MSRB2: variants seen among roughly 807,000 people sequenced by gnomAD.
The protein encoded by MSRB2 is methionine-R-sulfoxide reductase B2, mitochondrial.
In MSRB2, 17 loss-of-function variants were observed where a neutral mutation model predicts 19.0. The ratio of observed to expected loss-of-function variants is 0.89; its 90% CI spans 0.61 to 1.34. The LOEUF (loss-of-function observed/expected upper bound fraction) is 1.34, where lower values mean the gene tolerates loss of function less well. Among genes scored for constraint, MSRB2 ranks in the 40% most tolerant of loss-of-function variants. The probability of loss-of-function intolerance (pLI) is 0.00; values close to 1 mark genes in which losing one functional copy is unlikely to be tolerated. For synonymous variants in MSRB2, 107 were observed against 99.7 expected (o/e 1.07, Z -0.44); for missense variants, 208 against 237.6 (o/e 0.88, Z 0.82).
chr10:23,106,882 G>A (rs1460295952), intron 2 of MSRB2, among the ~76,000 whole-genome samples: 1 of 152,200 alleles, frequency 6.6e-6, no homozygotes, highest in Non-Finnish European at 1.5e-5. Context: ...CATCCCTCTT[G>A]AGTGTGTCAT....
intron 1 of MSRB2, among the ~76,000 whole-genome samples, chr10:23,098,061 A>G (rs891182515): frequency 3.3e-5 from 5 of 152,226 alleles, no homozygotes; most frequent in Non-Finnish European, 7.3e-5. Context: ...CTGTTGCTTC[A>G]GGAAAATATT....
chr10:23,102,969 A>G (rs1839941365), intron 1 of MSRB2, among the ~76,000 whole-genome samples: 1 of 152,238 alleles, frequency 6.6e-6, no homozygotes. Context: ...CATAGCAAAA[A>G]GAAACCCCTG....
At chr10:23,107,958 ATTTT>A (rs201449480) in intron 2 of MSRB2, among the ~76,000 whole-genome samples, 66,919 of 146,304 alleles carry the variant, frequency 0.46, 14,832 homozygotes, top group South Asian at 0.51. Flanking sequence ...CTTTTCATTG[ATTTT>A]TTTTTTTTTT....
chr10:23,097,282 G>A (rs189745992), intron 1 of MSRB2, among the ~76,000 whole-genome samples: 12 of 152,290 alleles, frequency 7.9e-5, no homozygotes, highest in African/African-American at 2.2e-4. Flanking sequence ...CTTGGCTCTC[G>A]GTTACTTCCT....
At chr10:23,105,212 CTGTGTGTGTGTG>C (rs36039793) in intron 2 of MSRB2, among the ~76,000 whole-genome samples, 5 of 147,074 alleles carry the variant, frequency 3.4e-5, no homozygotes, top group East Asian at 2.0e-4. Flanking sequence ...CTCTGTGTGT[CTGTGTGTGTGTG>C]TGTGTGTGTG....
At chr10:23,100,912 G>A (rs1340405825) in intron 1 of MSRB2, among the ~76,000 whole-genome samples, 1 of 152,158 alleles carries the variant, frequency 6.6e-6, no homozygotes, top group Non-Finnish European at 1.5e-5. Context: ...TTTTGATTTT[G>A]CAAAAGTGAA....
At chr10:23,107,686 C>T (rs570852855) in intron 2 of MSRB2, among the ~76,000 whole-genome samples, 5 of 152,284 alleles carry the variant, frequency 3.3e-5, no homozygotes, top group Middle Eastern at 3.4e-3. Context: ...TGTCAGCTCA[C>T]GTGTGTCTTC....
At chr10:23,119,609 G>T (rs139876994) in intron 4 of MSRB2, among the ~76,000 whole-genome samples, 158 bp downstream of exon 4, 3,222 of 151,810 alleles carry the variant, frequency 0.021, 57 homozygotes, top group Non-Finnish European at 0.034. Flanking sequence ...GTTTTGTTTT[G>T]TTTTGTTTTG....
intron 2 of MSRB2, among the ~76,000 whole-genome samples, chr10:23,108,892 T>A (rs954627638): frequency 6.6e-6 from 1 of 152,026 alleles, no homozygotes; most frequent in African/African-American, 2.4e-5. Flanking sequence ...AAGTTTAGGG[T>A]TTTAAAGAAG....
intron 2 of MSRB2, among the ~76,000 whole-genome samples, chr10:23,107,037 C>G (rs1192579949): frequency 6.6e-6 from 1 of 152,234 alleles, no homozygotes; most frequent in African/African-American, 2.4e-5. Context: ...TTTCAATTCT[C>G]TCTTCTAAGT....
intron 2 of MSRB2, among the ~76,000 whole-genome samples, chr10:23,105,011 C>T (rs16923031): frequency 0.07 from 10,624 of 152,234 alleles, 948 homozygotes; most frequent in African/African-American, 0.2. Context: ...TGGCACCTAA[C>T]GTGGTGGCTG....
rs773597613 is a variant in MSRB2 at position 23,119,363 on chromosome 10, C to T, written c.356C>T (p.Thr119Met). Residue 119 changes from threonine to methionine, a missense_variant, in exon 4 of 5, where the codon ACG (threonine) becomes ATG (methionine). Coordinates refer to ENST00000376510, the MANE Select transcript of MSRB2 (RefSeq NM_012228.4). ...CCTTCGTTTTCCGAGGCTCATGGTA[C>T]GTCTGGCTCTGATGAAAGCCACACA... is the stretch of plus-strand genomic sequence containing the variant. The part of the protein sequence containing the change: ...GWPSFSEAHG[T>M]SGSDESHTGI... 3.5e-5 allele frequency: 56 copies of T among 1,613,958 alleles called. No individual in the cohort carries two copies. The highest frequency in any genetic ancestry group is 1.6e-4 in the Middle Eastern group (1 of 6,076).
intron 3 of MSRB2, among the ~76,000 whole-genome samples, chr10:23,115,051 G>A (rs1822709484): frequency 6.6e-6 from 1 of 152,198 alleles, no homozygotes; most frequent in South Asian, 2.1e-4. Flanking sequence ...CAGACTTAGC[G>A]TCATTCTCCT....
chr10:23,104,231 A>C lies in MSRB2; in HGVS notation c.206A>C (p.Lys69Thr). 6.2e-7 allele frequency: 1 copy of C among 1,613,310 alleles called. No individual in the cohort carries two copies. Among genetic ancestry groups the C allele is most frequent in the Non-Finnish European group, 8.5e-7 (1 of 1,179,632 alleles). Residue 69 changes from lysine (K) to threonine (T), a missense_variant, in exon 2 of 5, where the codon AAG becomes ACG. Physicochemically the swap from Lys to Thr is moderately conservative, Grantham distance 78. Transcript: ENST00000376510. The part of the protein sequence containing the change: ...TPEQFYVTRE[K>T]GTEPPFSGIY... ...GAGCAGTTCTACGTCACAAGAGAAA[A>C]GGGAACGGAACCGGTAAGCTAAGCT...
chr10:23,100,606 A>G (rs1044665313), intron 1 of MSRB2, among the ~76,000 whole-genome samples: 1 of 152,210 alleles, frequency 6.6e-6, no homozygotes, highest in African/African-American at 2.4e-5. Flanking sequence ...CACATCTTAC[A>G]TGGTCAGAGC....
intron 2 of MSRB2, among the ~76,000 whole-genome samples, chr10:23,105,166 A>G (rs1839971852): frequency 6.6e-6 from 1 of 151,226 alleles, no homozygotes; most frequent in Non-Finnish European, 1.5e-5. Flanking sequence ...CTTCATTATA[A>G]CACCACTTTT....
Position 23,121,092 on chromosome 10 carries a change from GAA to G in MSRB2, c.*238_*239del. 2.7e-6 allele frequency: 1 copy of G among 370,380 alleles called. No individual in the cohort carries two copies. Among genetic ancestry groups the G allele is most frequent in the Non-Finnish European group, 4.7e-6 (1 of 211,060 alleles). The allele number at this position is 370,380 out of a possible 1,614,324, so 22.9% of individuals were successfully genotyped here. ...ACCTGATCAGGATCTGGGAGAATTT[GAA>G]AAAAAAAGAAAAACTAGAAAAATAA... On this transcript the variant is annotated 3_prime_UTR_variant, in exon 5 of 5. Transcript: ENST00000376510.
In MSRB2 at chr10:23,108,175, C is replaced by G. The variant is rs1317141485; in HGVS notation, c.220-2067C>G. 2.0e-5 allele frequency among the ~76,000 whole-genome samples: 3 copies of G among 152,040 alleles called. No individual in the cohort carries two copies. In the East Asian group the frequency reaches 5.8e-4, roughly 29 times the overall value. On this transcript the variant is annotated intron_variant, in intron 2 of 4. Coordinates refer to ENST00000376510, the MANE Select transcript of MSRB2 (RefSeq NM_012228.4). ...GTTTCACCATGTTGGCCAGGCTGGT[C>G]TTGAATTCCTGACCTCAGGTGATCC...
chr10:23,115,133 C>A (rs1405796609), intron 3 of MSRB2, among the ~76,000 whole-genome samples: 1 of 152,082 alleles, frequency 6.6e-6, no homozygotes, highest in Non-Finnish European at 1.5e-5. Context: ...AAATCAGACA[C>A]CTTTAATCAA....
Sources: allele counts gnomAD v4.1 joint callset (sites outside exome capture counted in the v4.1 genomes callset), GRCh38; gene constraint gnomAD v4.1.1; transcripts MANE v1.5; gene names NCBI Gene and HGNC (gene_info 2026-07-23, HGNC 2026-07-21).